The following SNTG1 variants were observed in gnomAD, a reference collection of about 807,000 sequenced individuals.
SNTG1 encodes syntrophin gamma 1.
SNTG1 carries 39 observed loss-of-function variants against 74.7 expected under a neutral mutation model. The ratio of observed to expected loss-of-function variants is 0.52; its 90% CI spans 0.40 to 0.68. SNTG1 has a LOEUF of 0.68. SNTG1 is among the 30% of genes least tolerant of loss of function. The pLI is 0.00. For synonymous variants in SNTG1, 254 were observed against 217.1 expected, an observed-to-expected ratio of 1.17 and a Z score of -1.49; for missense variants, 685 against 609.5, an observed-to-expected ratio of 1.12 and a Z score of -1.30.
chr8:50,612,415 C>A (rs922978744), intron 13 of SNTG1, among the ~76,000 whole-genome samples: 2 of 152,154 alleles, frequency 1.3e-5, no homozygotes, highest in Non-Finnish European at 2.9e-5. Context: ...AAAATGCTTT[C>A]TCTAAATTTC....
chr8:49,945,026 G>C (rs1311914389), intron 1 of SNTG1, among the ~76,000 whole-genome samples: 4 of 152,038 alleles, frequency 2.6e-5, no homozygotes, highest in Non-Finnish European at 5.9e-5. Flanking sequence ...TCTTTAATCT[G>C]AGTACTAACT....
chr8:50,378,432 G>A (rs2131207464), intron 2 of SNTG1, among the ~76,000 whole-genome samples: 1 of 152,288 alleles, frequency 6.6e-6, no homozygotes, highest in African/African-American at 2.4e-5. Flanking sequence ...TGAGCAAGGG[G>A]CATGTTTCAG....
At chr8:50,759,785 T>C (rs577745991) in intron 18 of SNTG1, among the ~76,000 whole-genome samples, 42 of 152,244 alleles carry the variant, frequency 2.8e-4, no homozygotes, top group Middle Eastern at 6.8e-3. Context: ...GCATGATGCC[T>C]CCAGCTTTGT....
chr8:50,739,265 A>C (rs2095536986), intron 17 of SNTG1, among the ~76,000 whole-genome samples: 1 of 152,120 alleles, frequency 6.6e-6, no homozygotes, highest in Admixed American at 6.6e-5. Context: ...ATATGAACAG[A>C]CACTCTCAAA....
At chr8:50,748,126 T>C (rs2131686777) in intron 17 of SNTG1, among the ~76,000 whole-genome samples, 1 of 152,152 alleles carries the variant, frequency 6.6e-6, no homozygotes, top group East Asian at 1.9e-4. Context: ...ATGGGTAATG[T>C]CTCCTAATTA....
chr8:49,972,436 C>T (rs1269881685), intron 1 of SNTG1, among the ~76,000 whole-genome samples: 2 of 152,110 alleles, frequency 1.3e-5, no homozygotes, highest in Admixed American at 6.5e-5. Flanking sequence ...TAGGCAATAC[C>T]ATTCAGGATA....
chr8:50,131,799 CCCA>C (rs1220215742), intron 1 of SNTG1, among the ~76,000 whole-genome samples: 1 of 151,968 alleles, frequency 6.6e-6, no homozygotes, highest in African/African-American at 2.4e-5. Flanking sequence ...ATTTACGTTT[CCCA>C]CCAACAAGGA....
intron 5 of SNTG1, among the ~76,000 whole-genome samples, chr8:50,447,497 T>C (rs946285415): frequency 2.6e-5 from 4 of 152,178 alleles, no homozygotes; most frequent in South Asian, 2.1e-4. Context: ...CTAAGAAACA[T>C]AGATGCATCC....
In SNTG1 at chr8:50,615,348, A is replaced by G. The variant is rs561900890; in HGVS notation, c.849+24431A>G. Among the ~76,000 whole-genome samples, 6 of 152,344 alleles carry G rather than the reference A, an allele frequency of 3.9e-5. No individual in the cohort carries two copies. The South Asian group carries it at 1.2e-3, about 32-fold the overall frequency. On this transcript the variant is annotated intron_variant, in intron 13 of 18. Transcript: ENST00000642720. ...GCAGCTGAATGGAACTGTGGCTGGA[A>G]TAAGAAACATGGAAGCAAATACTTA...
intron 2 of SNTG1, among the ~76,000 whole-genome samples, chr8:50,298,033 T>TA (rs5891360): frequency 0.069 from 10,347 of 150,308 alleles, 399 homozygotes; most frequent in African/African-American, 0.085. Flanking sequence ...GTTGAAAAGC[T>TA]AAAAAAAAAA....
rs148576113 is a variant in SNTG1 at position 50,411,202 on chromosome 8, A to T, written c.162+8858A>T. Among the ~76,000 whole-genome samples the T allele has an allele frequency of 2.0e-5, 3 of 152,200 alleles. No homozygotes were observed. In the East Asian group the frequency reaches 5.8e-4, roughly 30 times the overall value. On this transcript the variant is annotated intron_variant, in intron 4 of 18. Transcript: ENST00000642720. ...GGTGGCTCACATCTGTAATCCCAGC[A>T]CTTTGGGAGGCCGAGATGGCCAAAT...
chr8:50,609,016 A>G (rs1055892914), intron 13 of SNTG1, among the ~76,000 whole-genome samples: 2 of 152,026 alleles, frequency 1.3e-5, no homozygotes, highest in South Asian at 2.1e-4. Flanking sequence ...ATTGTTTTTC[A>G]TATTACATGC....
At chr8:50,747,510 TG>T (rs2095557819) in intron 17 of SNTG1, among the ~76,000 whole-genome samples, 1 of 152,026 alleles carries the variant, frequency 6.6e-6, no homozygotes, top group Non-Finnish European at 1.5e-5. Flanking sequence ...TAAAGTAAAC[TG>T]GGTACTAGGA....
intron 9 of SNTG1, among the ~76,000 whole-genome samples, chr8:50,507,369 A>G (rs1242434518): frequency 1.3e-5 from 2 of 152,072 alleles, no homozygotes; most frequent in African/African-American, 4.8e-5. Flanking sequence ...CCCCTCATCA[A>G]ATTTTTTTGA....
At chr8:50,130,513 A>G (rs950982328) in intron 1 of SNTG1, among the ~76,000 whole-genome samples, 2 of 152,158 alleles carry the variant, frequency 1.3e-5, no homozygotes, top group Non-Finnish European at 2.9e-5. Context: ...TTTTACTATC[A>G]TGATAATGGA....
chr8:50,159,558 G>A (rs1028774404), intron 1 of SNTG1, among the ~76,000 whole-genome samples: 1 of 151,910 alleles, frequency 6.6e-6, no homozygotes, highest in African/African-American at 2.4e-5. Context: ...TTTGGTCAAA[G>A]GAAAAAGCAA....
rs1818709924 is a variant in SNTG1 at position 50,042,356 on chromosome 8, G to C, written c.-103+130125G>C. On this transcript the variant is annotated intron_variant, in intron 1 of 18. Transcript: ENST00000642720. ...TCCTACCCCTAATCCATTCTTCACA[G>C]AGGAGGTTGAAGAAACTTTTAAAAA... is the stretch of plus-strand genomic sequence containing the variant. 2.0e-5 allele frequency among the ~76,000 whole-genome samples: 3 copies of C among 152,228 alleles called. No individual in the cohort carries two copies. The East Asian group carries it at 5.8e-4, about 29-fold the overall frequency.
At chr8:50,346,749 G>A (rs2091490204) in intron 2 of SNTG1, among the ~76,000 whole-genome samples, 1 of 152,246 alleles carries the variant, frequency 6.6e-6, no homozygotes, top group Non-Finnish European at 1.5e-5. Flanking sequence ...TTGTGGATAT[G>A]GAGAAAGCAT....
Position 50,226,789 on chromosome 8 carries a change from C to T in SNTG1, c.-28+54154C>T, listed in dbSNP as rs2085351188. ...CAAGTTGTAACCCGACCACCCTGGG[C>T]ACATTGTAGTCAGGCCCTCCTGAGT... On this transcript the variant is annotated intron_variant, in intron 2 of 18. Transcript: ENST00000642720. Among the ~76,000 whole-genome samples the T allele has an allele frequency of 6.6e-5, 10 of 152,250 alleles. No individual in the cohort carries two copies. The South Asian group carries it at 1.7e-3, about 25-fold the overall frequency.
Sources: gnomAD v4.1 joint callset for allele counts (sites outside exome capture counted in the v4.1 genomes callset) on GRCh38, gnomAD v4.1.1 for gene constraint, MANE v1.5 for transcripts, NCBI Gene and HGNC (gene_info 2026-07-23, HGNC 2026-07-21) for gene names.